The following TAF13 variants were observed in gnomAD, a reference collection of about 807,000 sequenced individuals.
TAF13 encodes transcription initiation factor TFIID subunit 13.
In TAF13, 9 loss-of-function variants were observed where a neutral mutation model predicts 18.7. That is an observed-to-expected ratio of 0.48 (90% CI 0.29 to 0.84). The LOEUF (loss-of-function observed/expected upper bound fraction) is 0.84, where lower values mean the gene tolerates loss of function less well. Among genes scored for constraint, TAF13 ranks in the 40% least tolerant of loss-of-function variants. The probability of loss-of-function intolerance (pLI) is 0.08; values close to 1 mark genes in which losing one functional copy is unlikely to be tolerated. For synonymous variants in TAF13, 49 were observed against 44.1 expected (o/e 1.11, Z -0.44); for missense variants, 105 against 146.5 (o/e 0.72, Z 1.46).
intron 2 of TAF13, among the ~76,000 whole-genome samples, chr1:109,072,579 G>A (rs750373591): frequency 2.6e-5 from 4 of 151,678 alleles, no homozygotes; most frequent in African/African-American, 7.3e-5. Flanking sequence ...AGAGTAGCTG[G>A]AACTACAGGG....
chr1:109,067,525 G>C (rs1424341334), intron 2 of TAF13, among the ~76,000 whole-genome samples: 2 of 152,006 alleles, frequency 1.3e-5, no homozygotes, highest in Admixed American at 6.5e-5. Flanking sequence ...CATGAGAATC[G>C]CTTGAATCCA....
chr1:109,071,947 T>A (rs1664061869), intron 2 of TAF13, among the ~76,000 whole-genome samples: 1 of 136,322 alleles, frequency 7.3e-6, no homozygotes, highest in Admixed American at 7.6e-5. Context: ...AGACTCTGTC[T>A]CAAAAAGAAA....
intron 3 of TAF13, 100 bp downstream of exon 3, chr1:109,066,035 G>T: frequency 2.1e-6 from 2 of 954,920 alleles, no homozygotes; most frequent in Non-Finnish European, 3.2e-6. Flanking sequence ...CAAATGGATA[G>T]CTTATTTCAA....
chr1:109,070,212 G>A (rs993415004), intron 2 of TAF13, among the ~76,000 whole-genome samples: 6 of 150,714 alleles, frequency 4.0e-5, no homozygotes, highest in South Asian at 2.1e-4. Context: ...AAACCTTGAC[G>A]CTTTCTTTTT....
Position 109,075,816 on chromosome 1 carries a change from C to T in TAF13, c.27+105G>A, listed in dbSNP as rs887192483. 13 of 1,470,666 alleles carry T rather than the reference C, an allele frequency of 8.8e-6. No individual in the cohort carries two copies. In the African/African-American group the frequency reaches 1.2e-4, roughly 14 times the overall value. 91.1% of individuals were successfully genotyped at this position (1,470,666 alleles called of 1,614,324 possible). ...GGGCGTGAAGTCCCCGAACTCTGTC[C>T]GCTGAATTCACTAAGGCAAGCAGAC... On this transcript the variant is annotated intron_variant, in intron 1 of 3. Transcript: ENST00000338366.
rs202177984 is a variant in TAF13 at position 109,066,132 on chromosome 1, T to C, written c.204+3A>G. On this transcript the variant is annotated splice_donor_region_variant and intron_variant, in intron 3 of 3. Coordinates refer to ENST00000338366, the MANE Select transcript of TAF13 (RefSeq NM_005645.4). Reference sequence around the variant, plus strand: ...ACTAAGACCAGTTAGGAAAGAATCTTACCATTTCAGTGATAAACTCTATGA... The same window carrying C: ...ACTAAGACCAGTTAGGAAAGAATCTCACCATTTCAGTGATAAACTCTATGA... 3.7e-6 allele frequency: 6 copies of C among 1,604,910 alleles called. No individual in the cohort carries two copies. The East Asian group carries it at 6.7e-5, about 18-fold the overall frequency.
intron 1 of TAF13, among the ~76,000 whole-genome samples, 196 bp downstream of exon 1, chr1:109,075,725 G>A (rs1664167163): frequency 6.6e-6 from 1 of 152,178 alleles, no homozygotes; most frequent in Non-Finnish European, 1.5e-5. Context: ...AAATCAAGGG[G>A]AAAGGGGTCA....
In TAF13 at chr1:109,072,715, G is replaced by C. The variant is rs111723452; in HGVS notation, c.106+2272C>G. 2.2e-3 allele frequency among the ~76,000 whole-genome samples: 332 copies of C among 151,990 alleles called. 1 individual carries two copies. Among genetic ancestry groups the C allele is most frequent in the Non-Finnish European group, 2.5e-3 (173 of 68,010 alleles). ...CTGCCTTGACCTCCCGAAGTGCTGG[G>C]ATTACAGGCGTGAGCCACTGCATCT... On this transcript the variant is annotated intron_variant, in intron 2 of 3. Coordinates refer to ENST00000338366, the MANE Select transcript of TAF13 (RefSeq NM_005645.4).
At chr1:109,066,011 T>C in intron 3 of TAF13, 124 bp downstream of exon 3, 1 of 724,182 alleles carries the variant, frequency 1.4e-6, no homozygotes, top group South Asian at 1.8e-5. Context: ...CAATAACTTC[T>C]GCAAACAAGC....
Position 109,064,216 on chromosome 1 carries a change from T to A in TAF13, c.*307A>T. ...TAGCTTACAAGGGCATAAACATACC[T>A]AACACATTAAATACTACTTTATCCT... On this transcript the variant is annotated 3_prime_UTR_variant, in exon 4 of 4. Transcript: ENST00000338366. 7.6e-6 allele frequency: 1 copy of A among 131,582 alleles called. No homozygotes were observed. 8.2% of individuals were successfully genotyped at this position (131,582 alleles called of 1,614,324 possible). A position where few individuals can be genotyped will look rare whatever the true frequency, so the allele number is the denominator to read the frequency against.
chr1:109,075,197 G>A (rs997413332), intron 1 of TAF13, 132 bp from the exon 2 acceptor site: 28 of 733,346 alleles, frequency 3.8e-5, no homozygotes, highest in African/African-American at 5.4e-5. Flanking sequence ...AAAAAACCAC[G>A]AAACCTTAGC....
At chr1:109,067,089 T>C (rs1205956553) in intron 2 of TAF13, among the ~76,000 whole-genome samples, 1 of 152,178 alleles carries the variant, frequency 6.6e-6, no homozygotes, top group African/African-American at 2.4e-5. Flanking sequence ...ACAAGGAATT[T>C]TGACATTTCC....
At chr1:109,064,761 TATTA>T in intron 3 of TAF13, 68 bp from the exon 4 acceptor site, 1 of 1,278,990 alleles carries the variant, frequency 7.8e-7, no homozygotes, top group East Asian at 2.8e-5. Flanking sequence ...AATTTGCATT[TATTA>T]ATTGCAAGTG....
chr1:109,065,948 AG>A (rs1168130025), intron 3 of TAF13, among the ~76,000 whole-genome samples, 186 bp downstream of exon 3: 1 of 152,014 alleles, frequency 6.6e-6, no homozygotes, highest in Non-Finnish European at 1.5e-5. Flanking sequence ...AAAAGGAAGA[AG>A]GGGGGATAGA....
At chr1:109,064,790 CTCTTAT>C in intron 3 of TAF13, 97 bp from the exon 4 acceptor site, 1 of 1,010,890 alleles carries the variant, frequency 9.9e-7, no homozygotes. Context: ...AGAAGATTTT[CTCTTAT>C]TATTATTATT....
intron 2 of TAF13, among the ~76,000 whole-genome samples, chr1:109,070,302 T>C (rs1399486726): frequency 6.6e-6 from 1 of 151,970 alleles, no homozygotes; most frequent in African/African-American, 2.4e-5. Flanking sequence ...CACTGCAACC[T>C]CTGCCTCCCG....
rs1169146864 is a variant in TAF13 at position 109,072,021 on chromosome 1, CATATATATATATATATATATAT to C, written c.106+2944_106+2965del. The stretch of plus-strand genomic sequence containing the variant: ...ATATATATATATATATATACACACA[CATATATATATATATATATATAT>C]ACACACACATATATATATATATATA... On this transcript the variant is annotated intron_variant, in intron 2 of 3. Coordinates refer to ENST00000338366, the MANE Select transcript of TAF13 (RefSeq NM_005645.4). Among the ~76,000 whole-genome samples the C allele has an allele frequency of 3.4e-3, 16 of 4,682 alleles. 2 individuals carry two copies. The highest frequency in any genetic ancestry group is 0.011 in the African/African-American group (14 of 1,328). 3.1% of individuals were successfully genotyped at this position (4,682 alleles called of 152,430 possible). A position where few individuals can be genotyped will look rare whatever the true frequency, so the allele number is the denominator to read the frequency against.
chr1:109,073,294 C>T (rs1202733467), intron 2 of TAF13, among the ~76,000 whole-genome samples: 1 of 152,006 alleles, frequency 6.6e-6, no homozygotes, highest in Non-Finnish European at 1.5e-5. Context: ...AATCCCAGCA[C>T]TTTGGGAGGC....
intron 2 of TAF13, among the ~76,000 whole-genome samples, chr1:109,066,599 G>T (rs2102105802): frequency 6.6e-6 from 1 of 152,328 alleles, no homozygotes; most frequent in South Asian, 2.1e-4. Flanking sequence ...TTTTTTGGAG[G>T]TGGTTTTTGT....
Sources: allele counts gnomAD v4.1 joint callset (sites outside exome capture counted in the v4.1 genomes callset), GRCh38; gene constraint gnomAD v4.1.1; transcripts MANE v1.5; gene names NCBI Gene and HGNC (gene_info 2026-07-23, HGNC 2026-07-21).